Variants in SCO1 observed in about 807,000 individuals in gnomAD.
SCO1 encodes the protein cytochrome c oxidase assembly factor SCO1.
In SCO1, 23 loss-of-function variants were observed where a neutral mutation model predicts 34.0. The ratio of observed to expected loss-of-function variants is 0.68; its 90% CI spans 0.49 to 0.96. The LOEUF (loss-of-function observed/expected upper bound fraction) is 0.96, where lower values mean the gene tolerates loss of function less well. Ranked by LOEUF, SCO1 falls within the 40% of genes least tolerant of loss-of-function variation. SCO1 has a pLI of 0.00. For missense variants in SCO1, 404 were observed against 381.6 expected (o/e 1.06, Z -0.49); for synonymous variants, 161 against 145.5 (o/e 1.11, Z -0.77).
chr17:10,684,895 G>A (rs2074645492), intron 5 of SCO1, among the ~76,000 whole-genome samples: 2 of 152,206 alleles, frequency 1.3e-5, no homozygotes, highest in South Asian at 2.1e-4. Flanking sequence ...AAACAGAGGA[G>A]GGTCCCTCTA....
At chr17:10,689,171 A>G (rs1331972648) in intron 4 of SCO1, among the ~76,000 whole-genome samples, 2 of 151,478 alleles carry the variant, frequency 1.3e-5, no homozygotes, top group African/African-American at 4.8e-5. Context: ...TGGGGAGGGA[A>G]AAAGGGAGGG....
chr17:10,690,714 A>G (rs2074684424), intron 4 of SCO1, among the ~76,000 whole-genome samples: 1 of 152,228 alleles, frequency 6.6e-6, no homozygotes, highest in Non-Finnish European at 1.5e-5. Context: ...TGAAAACAGT[A>G]TATTGAAGAG....
chr17:10,686,988 A>C (rs2074660952), intron 4 of SCO1, 146 bp from the exon 5 acceptor site: 1 of 669,528 alleles, frequency 1.5e-6, no homozygotes, highest in African/African-American at 1.8e-5. Flanking sequence ...TTCAAAGGAA[A>C]AGGAGAAGAA....
chr17:10,693,057 G>GTGGAAACAAAAT, intron 2 of SCO1, 96 bp from the exon 3 acceptor site: 1 of 997,398 alleles, frequency 1.0e-6, no homozygotes, highest in East Asian at 2.5e-5. Context: ...TGCTACTCAT[G>GTGGAAACAAAAT]GTGGGGGCAC....
chr17:10,694,665 T>C (rs2074711024), intron 2 of SCO1, among the ~76,000 whole-genome samples: 1 of 152,232 alleles, frequency 6.6e-6, no homozygotes, highest in African/African-American at 2.4e-5. Context: ...TAATAATACA[T>C]TTTTTAAATA....
At chr17:10,692,649 T>G (rs960505986) in intron 3 of SCO1, 115 bp downstream of exon 3, 1 of 846,420 alleles carries the variant, frequency 1.2e-6, no homozygotes. Flanking sequence ...TGAGATTTTA[T>G]GTTCTTACAA....
intron 5 of SCO1, among the ~76,000 whole-genome samples, chr17:10,685,642 T>C (rs1011934673): frequency 6.6e-6 from 1 of 152,230 alleles, no homozygotes; most frequent in African/African-American, 2.4e-5. Context: ...CAAATAAACC[T>C]TTCATCTTTT....
In SCO1 at chr17:10,680,591, C is replaced by G. The variant is rs979333848; in HGVS notation, c.*528G>C. 6.3e-6 allele frequency: 1 copy of G among 158,576 alleles called. No homozygotes were observed. The highest frequency in any genetic ancestry group is 6.0e-5 in the Admixed American group (1 of 16,752). The allele number at this position is 158,576 out of a possible 1,614,324, so 9.8% of individuals were successfully genotyped here. A position where few individuals can be genotyped will look rare whatever the true frequency, so the allele number is the denominator to read the frequency against. On this transcript the variant is annotated 3_prime_UTR_variant, in exon 6 of 6. Coordinates refer to ENST00000255390, the MANE Select transcript of SCO1 (RefSeq NM_004589.4). ...TAGTGATATTCATTAATAAGGAAAA[C>G]TAAAGTTTTCAAGCATCAACTCTGA...
Position 10,674,342 on chromosome 17 carries a change from C to T in SCO1, c.*6777G>A. ...TTGGGAGGCTGAGGCAGCAGAATCA[C>T]TTGAACCAGGGAGGTGGAGGTTGCA... On this transcript the variant is annotated 3_prime_UTR_variant, in exon 6 of 6. Transcript: ENST00000255390. 5.6e-6 allele frequency: 1 copy of T among 178,744 alleles called. No individual in the cohort carries two copies. The highest frequency in any genetic ancestry group is 1.2e-5 in the Non-Finnish European group (1 of 84,128). 11.1% of individuals were successfully genotyped at this position (178,744 alleles called of 1,614,324 possible). A position where few individuals can be genotyped will look rare whatever the true frequency, so the allele number is the denominator to read the frequency against.
intron 5 of SCO1, among the ~76,000 whole-genome samples, chr17:10,683,110 C>T (rs1412230386): frequency 6.6e-6 from 1 of 152,190 alleles, no homozygotes; most frequent in Non-Finnish European, 1.5e-5. Flanking sequence ...GTCCCTCCCC[C>T]TCTTCACACC....
chr17:10,686,940 C>T (rs771160647), intron 4 of SCO1, 98 bp from the exon 5 acceptor site: 84 of 770,450 alleles, frequency 1.1e-4, no homozygotes, highest in Non-Finnish European at 1.4e-4. Flanking sequence ...GCTCTACTGC[C>T]ACTTTCTTCC....
rs1463876102 is a variant in SCO1, at chr17:10,673,345, T to C, written c.*7774A>G. ...TCAGCTTAACATAGGTATTCCGCAA[T>C]GTTGACGTCGTCAATCAATCAGTGA... On this transcript the variant is annotated 3_prime_UTR_variant, in exon 6 of 6. Coordinates refer to ENST00000255390, the MANE Select transcript of SCO1 (RefSeq NM_004589.4). 2 of 130,622 alleles carry C rather than the reference T, an allele frequency of 1.5e-5. No homozygotes were observed. The highest frequency in any genetic ancestry group is 4.7e-4 in the East Asian group (2 of 4,218). 8.1% of individuals were successfully genotyped at this position (130,622 alleles called of 1,614,324 possible).
At chr17:10,691,309 C>T (rs1165143803) in intron 4 of SCO1, among the ~76,000 whole-genome samples, 4 of 151,906 alleles carry the variant, frequency 2.6e-5, no homozygotes, top group East Asian at 1.9e-4. Context: ...TTAGTAGAGA[C>T]GGGGCTTCAC....
At position 10,677,210 on chromosome 17, in the gene SCO1, G is replaced by A. The variant is rs1567571425; in HGVS notation, c.*3909C>T. On this transcript the variant is annotated 3_prime_UTR_variant, in exon 6 of 6. Coordinates refer to ENST00000255390, the MANE Select transcript of SCO1 (RefSeq NM_004589.4). ...TAATCCCAGCTACTCGGGAGACTCA[G>A]GCTGGAGAATCGCTTGAACCTGGGA... is the stretch of plus-strand genomic sequence containing the variant. 6.6e-6 allele frequency: 1 copy of A among 152,240 alleles called. No homozygotes were observed. Among genetic ancestry groups the A allele is most frequent in the African/African-American group, 2.4e-5 (1 of 41,420 alleles). 9.4% of individuals were successfully genotyped at this position (152,240 alleles called of 1,614,324 possible). A position where few individuals can be genotyped will look rare whatever the true frequency, so the allele number is the denominator to read the frequency against.
chr17:10,687,684 T>A (rs916361236), intron 4 of SCO1, among the ~76,000 whole-genome samples: 2 of 152,226 alleles, frequency 1.3e-5, no homozygotes, highest in Non-Finnish European at 2.9e-5. Flanking sequence ...AAACTTTTTT[T>A]AAAACTAAAT....
chr17:10,697,115 A>G (rs1597511606), intron 1 of SCO1, 120 bp downstream of exon 1: 1 of 983,584 alleles, frequency 1.0e-6, no homozygotes, highest in Non-Finnish European at 1.5e-6. Context: ...AAGGCGCGCA[A>G]GCTAAGGACA....
chr17:10,674,026 C>G lies in SCO1; in HGVS notation c.*7093G>C, dbSNP rs1820904648. On this transcript the variant is annotated 3_prime_UTR_variant, in exon 6 of 6. Coordinates refer to ENST00000255390, the MANE Select transcript of SCO1 (RefSeq NM_004589.4). ...ATTCATTATTCTTTCTTGACTTTTT[C>G]CCCTTCCCTATTGGGTAAAAATTAA... 1 of 152,174 alleles carries G rather than the reference C, an allele frequency of 6.6e-6. No individual in the cohort carries two copies. The highest frequency in any genetic ancestry group is 2.4e-5 in the African/African-American group (1 of 41,428). 9.4% of individuals were successfully genotyped at this position (152,174 alleles called of 1,614,324 possible).
In SCO1 at chr17:10,684,915, C is replaced by T. The variant is rs143617327; in HGVS notation, c.771+1812G>A. Among the ~76,000 whole-genome samples, 40 of 152,358 alleles carry T rather than the reference C, an allele frequency of 2.6e-4. 1 individual carries two copies. The East Asian group carries it at 7.5e-3, about 29-fold the overall frequency. On this transcript the variant is annotated intron_variant, in intron 5 of 5. Transcript: ENST00000255390. Reference sequence around the variant, plus strand: ...GAGGAGGGTCCCTCTACTTTCCTTACAATTAAGGCTTAAAGAAAAGTGCTC... The same window carrying T: ...GAGGAGGGTCCCTCTACTTTCCTTATAATTAAGGCTTAAAGAAAAGTGCTC...
chr17:10,684,239 T>C (rs954608268), intron 5 of SCO1, among the ~76,000 whole-genome samples: 1 of 152,230 alleles, frequency 6.6e-6, no homozygotes, highest in Non-Finnish European at 1.5e-5. Context: ...ATCCATATTC[T>C]GGATTATCTG....
Sources: allele counts gnomAD v4.1 joint callset (sites outside exome capture counted in the v4.1 genomes callset), GRCh38; gene constraint gnomAD v4.1.1; transcripts MANE v1.5; gene names NCBI Gene and HGNC (gene_info 2026-07-23, HGNC 2026-07-21).